Variants in TMEM266 observed in about 807,000 individuals in gnomAD.
The protein encoded by TMEM266 is transmembrane protein 266.
A neutral mutation model predicts 50.5 loss-of-function variants in TMEM266; 33 were observed. That is an observed-to-expected ratio of 0.65 (90% CI 0.50 to 0.87). The LOEUF (loss-of-function observed/expected upper bound fraction) is 0.87, where lower values mean the gene tolerates loss of function less well. Among genes scored for constraint, TMEM266 ranks in the 40% least tolerant of loss-of-function variants. The pLI is 0.00. For missense variants in TMEM266, 655 were observed against 695.1 expected (o/e 0.94, Z 0.65); for synonymous variants, 310 against 292.3 (o/e 1.06, Z -0.62).
intron 1 of TMEM266, among the ~76,000 whole-genome samples, chr15:76,094,780 C>T (rs970029875): frequency 5.9e-5 from 9 of 152,022 alleles, no homozygotes; most frequent in Admixed American, 3.9e-4. Flanking sequence ...TTTTTGTCCT[C>T]TCTTATTTCC....
chr15:76,175,324 G>T, intron 7 of TMEM266: 1 of 450,496 alleles, frequency 2.2e-6, no homozygotes, highest in South Asian at 2.4e-5. Flanking sequence ...CAGCCCAAAA[G>T]TATGGGTTCT....
chr15:76,097,631 G>T (rs1359353113), intron 1 of TMEM266, among the ~76,000 whole-genome samples: 1 of 151,858 alleles, frequency 6.6e-6, no homozygotes, highest in Non-Finnish European at 1.5e-5. Flanking sequence ...TCCTGAATTT[G>T]AATGTTGGCC....
intron 8 of TMEM266, among the ~76,000 whole-genome samples, chr15:76,184,704 C>A (rs1269205694): frequency 6.6e-6 from 1 of 152,176 alleles, no homozygotes; most frequent in Non-Finnish European, 1.5e-5. Flanking sequence ...GGCGGAGAAG[C>A]GCTGGGTGTG....
chr15:76,070,270 A>C (rs771893762), intron 1 of TMEM266, among the ~76,000 whole-genome samples: 8 of 152,252 alleles, frequency 5.3e-5, no homozygotes, highest in Non-Finnish European at 1.2e-4. Context: ...GTTAGGAAGA[A>C]GGAGGAAGGA....
At chr15:76,202,060 C>T (rs1201758802) in intron 9 of TMEM266, 142 bp from the exon 10 acceptor site, 1 of 666,990 alleles carries the variant, frequency 1.5e-6, no homozygotes, top group East Asian at 2.8e-5. Flanking sequence ...CCATGGAGAA[C>T]TAAGAGGCAG....
chr15:76,183,103 C>CTTTTTTTTTTTTTTTTTTTT (rs71140199), intron 8 of TMEM266, among the ~76,000 whole-genome samples: 3 of 44,126 alleles, frequency 6.8e-5, no homozygotes, highest in East Asian at 9.6e-4. Flanking sequence ...CATTTTGTGG[C>CTTTTTTTTTTTTTTTTTTTT]TTTTTTTTTT....
intron 1 of TMEM266, among the ~76,000 whole-genome samples, chr15:76,086,931 G>GC (rs72534048): frequency 1.0e-5 from 1 of 98,942 alleles, no homozygotes; most frequent in Non-Finnish European, 2.2e-5. Flanking sequence ...AGCAGGTCGG[G>GC]GGGGGGGCGG....
chr15:76,083,548 T>A (rs970908024), intron 1 of TMEM266, among the ~76,000 whole-genome samples: 2 of 152,148 alleles, frequency 1.3e-5, no homozygotes. Flanking sequence ...GCATCTCCTT[T>A]AGCTCCCAGT....
At chr15:76,186,605 C>T (rs986270876) in intron 8 of TMEM266, among the ~76,000 whole-genome samples, 21 of 152,224 alleles carry the variant, frequency 1.4e-4, no homozygotes, top group African/African-American at 3.6e-4. Flanking sequence ...ATCGCACCTC[C>T]GAGGTAATTC....
chr15:76,077,041 T>A (rs979845114), intron 1 of TMEM266, among the ~76,000 whole-genome samples: 5 of 151,974 alleles, frequency 3.3e-5, no homozygotes, highest in Admixed American at 6.6e-5. Flanking sequence ...CTTGGCTCAC[T>A]GCAACCCCTG....
intron 3 of TMEM266, among the ~76,000 whole-genome samples, chr15:76,147,740 A>G (rs1194631302): frequency 1.3e-5 from 2 of 152,218 alleles, no homozygotes; most frequent in East Asian, 3.8e-4. Context: ...TCCTAAAGAA[A>G]TCAATTAAGT....
chr15:76,071,771 G>C (rs1056123281), intron 1 of TMEM266, among the ~76,000 whole-genome samples: 5 of 152,196 alleles, frequency 3.3e-5, no homozygotes, highest in African/African-American at 1.2e-4. Context: ...GTGGGGGACA[G>C]AGAGGAGGAG....
chr15:76,196,742 C>T (rs1178689781), intron 9 of TMEM266, among the ~76,000 whole-genome samples: 3 of 152,162 alleles, frequency 2.0e-5, no homozygotes, highest in Non-Finnish European at 4.4e-5. Context: ...GGGGTGCCAG[C>T]CCCAGCCGTG....
Position 76,160,035 on chromosome 15 carries a change from C to T in TMEM266, c.383-60C>T. Reference sequence around the variant, plus strand: ...AGGTCTGGACGGATGCTGCGAAGCCCCCATAGCAACGCACCTAATTCCTCA... The same window carrying T: ...AGGTCTGGACGGATGCTGCGAAGCCTCCATAGCAACGCACCTAATTCCTCA... On this transcript the variant is annotated intron_variant, in intron 4 of 10. Coordinates refer to ENST00000388942, the MANE Select transcript of TMEM266 (RefSeq NM_152335.3). The surrounding 1 kb of genome is among the most constrained non-coding windows in gnomAD (Gnocchi z 5.7). 6.6e-7 allele frequency: 1 copy of T among 1,508,854 alleles called. No homozygotes were observed. The highest frequency in any genetic ancestry group is 1.1e-5 in the South Asian group (1 of 88,388). 93.5% of individuals were successfully genotyped at this position (1,508,854 alleles called of 1,614,324 possible).
Position 76,134,253 on chromosome 15 carries a change from C to G in TMEM266, c.-11C>G, listed in dbSNP as rs1254946575. On this transcript the variant is annotated 5_prime_UTR_variant, in exon 2 of 11. Coordinates refer to ENST00000388942, the MANE Select transcript of TMEM266 (RefSeq NM_152335.3). Reference sequence around the variant, plus strand: ...AGGACAGCTGAGCCCCACTAAACACCAAGAAAACCCATGGCTGTGGCTCCA... The same window carrying G: ...AGGACAGCTGAGCCCCACTAAACACGAAGAAAACCCATGGCTGTGGCTCCA... 1 of 1,613,948 alleles carries G rather than the reference C, an allele frequency of 6.2e-7. No homozygotes were observed. The highest frequency in any genetic ancestry group is 8.5e-7 in the Non-Finnish European group (1 of 1,179,896).
chr15:76,064,997 T>C (rs2036386256), intron 1 of TMEM266, among the ~76,000 whole-genome samples: 2 of 152,246 alleles, frequency 1.3e-5, no homozygotes, highest in Non-Finnish European at 2.9e-5. Flanking sequence ...CATGACAGTT[T>C]CCTTTGAAAT....
At chr15:76,162,575 C>T (rs1156927046) in intron 5 of TMEM266, among the ~76,000 whole-genome samples, 1 of 152,162 alleles carries the variant, frequency 6.6e-6, no homozygotes, top group Non-Finnish European at 1.5e-5. Context: ...ATACCAGTGG[C>T]GTCCTTTCAA....
chr15:76,179,470 G>C (rs7163036), intron 8 of TMEM266, among the ~76,000 whole-genome samples: 53,975 of 152,056 alleles, frequency 0.35, 10,450 homozygotes, highest in Admixed American at 0.49. Context: ...ATAGAACCAG[G>C]TGTCCTAACT....
intron 1 of TMEM266, among the ~76,000 whole-genome samples, chr15:76,130,248 A>AC (rs2037487269): frequency 1.0e-5 from 1 of 96,234 alleles, no homozygotes; most frequent in Non-Finnish European, 1.9e-5. Context: ...AAAAAAAAAA[A>AC]AAAAAACCGC....
Sources: gnomAD v4.1 joint callset for allele counts (sites outside exome capture counted in the v4.1 genomes callset) on GRCh38, gnomAD v4.1.1 for gene constraint, Gnocchi (gnomAD v3.1) non-coding constraint, MANE v1.5 for transcripts, NCBI Gene and HGNC (gene_info 2026-07-23, HGNC 2026-07-21) for gene names.